Variants in ROBO2 observed in about 807,000 individuals in gnomAD.
ROBO2 encodes the protein roundabout guidance receptor 2, also known as roundabout homolog 2.
In ROBO2, 53 loss-of-function variants were observed where a neutral mutation model predicts 160.8. That is an observed-to-expected ratio of 0.33 (90% CI 0.26 to 0.41). ROBO2 has a LOEUF of 0.41. ROBO2 is among the 10% of genes least tolerant of loss of function. The pLI, the probability that ROBO2 is intolerant of heterozygous loss-of-function variation, is 1.00. For missense variants in ROBO2, 1,577 were observed against 1,722.4 expected (o/e 0.92, Z 1.49); for synonymous variants, 664 against 611.7 (o/e 1.09, Z -1.26).
At chr3:77,047,163 A>G (rs1028901384) in intron 1 of ROBO2, among the ~76,000 whole-genome samples, 1 of 152,166 alleles carries the variant, frequency 6.6e-6, no homozygotes, top group East Asian at 1.9e-4. Flanking sequence ...GAAGATGACA[A>G]AGGGGTGCTA....
At chr3:76,043,753 T>G (rs773147986) in intron 2 of ROBO2, among the ~76,000 whole-genome samples, 1 of 152,032 alleles carries the variant, frequency 6.6e-6, no homozygotes, top group African/African-American at 2.4e-5. Flanking sequence ...CTTATCTACT[T>G]AATCCACAAT....
chr3:77,403,573 AGTGTGT>A (rs57545425), intron 2 of ROBO2, among the ~76,000 whole-genome samples: 23,754 of 129,376 alleles, frequency 0.18, 2,277 homozygotes, highest in African/African-American at 0.28. Context: ...TAGTTATTTC[AGTGTGT>A]GTGTGTGTGT....
At chr3:77,200,310 TATATATATATATTTTAG>T (rs2082765547) in intron 2 of ROBO2, among the ~76,000 whole-genome samples, 1 of 89,354 alleles carries the variant, frequency 1.1e-5, no homozygotes, top group African/African-American at 5.1e-5. Flanking sequence ...TATATATATA[TATATATATATATTTTAG>T]TTTCTATAGG....
At chr3:77,512,946 A>G (rs2153617625) in intron 5 of ROBO2, among the ~76,000 whole-genome samples, 1 of 152,052 alleles carries the variant, frequency 6.6e-6, no homozygotes, top group East Asian at 1.9e-4. Context: ...CTAATTCAAA[A>G]CACTTGTTCT....
At chr3:77,624,846 TCCCTGAAA>T (rs1231056604) in intron 23 of ROBO2, among the ~76,000 whole-genome samples, 2 of 152,242 alleles carry the variant, frequency 1.3e-5, no homozygotes, top group African/African-American at 4.8e-5. Flanking sequence ...GGTTACACAG[TCCCTGAAA>T]CCCTGAAACC....
intron 2 of ROBO2, among the ~76,000 whole-genome samples, chr3:77,184,365 A>C (rs2150879708): frequency 6.6e-6 from 1 of 152,196 alleles, no homozygotes; most frequent in Middle Eastern, 3.4e-3. Context: ...ATGAATTAGA[A>C]GTGGACTTTG....
chr3:77,464,522 A>G (rs2082567821), intron 2 of ROBO2, among the ~76,000 whole-genome samples: 1 of 152,196 alleles, frequency 6.6e-6, no homozygotes, highest in Admixed American at 6.5e-5. Context: ...ACAATTTTAG[A>G]GGCTAGACTA....
intron 2 of ROBO2, among the ~76,000 whole-genome samples, chr3:76,834,153 T>TTCTC (rs1319855161): frequency 9.8e-5 from 13 of 132,812 alleles, no homozygotes; most frequent in African/African-American, 2.8e-4. Flanking sequence ...CTTCCTTTCT[T>TTCTC]TCTCTCTCTT....
At chr3:77,221,152 C>G (rs556773356) in intron 2 of ROBO2, among the ~76,000 whole-genome samples, 1 of 152,112 alleles carries the variant, frequency 6.6e-6, no homozygotes, top group Non-Finnish European at 1.5e-5. Flanking sequence ...TTCCATGGCT[C>G]TAGTGGTTCA....
intron 2 of ROBO2, among the ~76,000 whole-genome samples, chr3:76,569,711 G>T (rs1263287035): frequency 1.3e-5 from 2 of 152,098 alleles, no homozygotes; most frequent in African/African-American, 4.8e-5. Context: ...AACCATCCTT[G>T]AGAATCCAGC....
chr3:76,559,454 C>T (rs909227070), intron 2 of ROBO2, among the ~76,000 whole-genome samples: 2 of 152,078 alleles, frequency 1.3e-5, no homozygotes, highest in East Asian at 3.8e-4. Flanking sequence ...TTTGAAAATT[C>T]GTTTTAACCA....
At chr3:76,640,582 CGTGTTTGCGTGTGAGTGTGT>C (rs2090614711) in intron 2 of ROBO2, among the ~76,000 whole-genome samples, 2 of 37,642 alleles carry the variant, frequency 5.3e-5, no homozygotes, top group Non-Finnish European at 1.2e-4. Context: ...AATATCAATG[CGTGTTTGCGTGTGAGTGTGT>C]GTGTGTGTGT....
chr3:75,987,662 A>G (rs2107489714), intron 2 of ROBO2, among the ~76,000 whole-genome samples: 1 of 152,136 alleles, frequency 6.6e-6, no homozygotes, highest in East Asian at 1.9e-4. Context: ...GTCTTTTAAC[A>G]GTGAGTGTGA....
At chr3:77,261,978 A>C (rs1350363309) in intron 2 of ROBO2, among the ~76,000 whole-genome samples, 1 of 152,018 alleles carries the variant, frequency 6.6e-6, no homozygotes, top group African/African-American at 2.4e-5. Flanking sequence ...GGCTTTCAGC[A>C]CTCTGAAGTA....
At chr3:75,971,028 A>G (rs1454862623) in intron 2 of ROBO2, among the ~76,000 whole-genome samples, 3 of 151,358 alleles carry the variant, frequency 2.0e-5, no homozygotes, top group Admixed American at 6.6e-5. Context: ...TTAATGGAGA[A>G]TATTTAAAAG....
Position 76,179,558 on chromosome 3 carries a change from C to T in ROBO2, c.109+241956C>T, listed in dbSNP as rs2220912. Among the ~76,000 whole-genome samples, 231 of 152,248 alleles carry T rather than the reference C, an allele frequency of 1.5e-3. 2 individuals are homozygous for T. The highest frequency in any genetic ancestry group is 5.4e-3 in the African/African-American group (224 of 41,554). On this transcript the variant is annotated intron_variant, in intron 2 of 26. Coordinates refer to the ROBO2 transcript ENST00000487694. ...TACTTCCTTCAATCATCACTGCCTC[C>T]GCTCTTATACATCACCATCTTCTGT... is the stretch of plus-strand genomic sequence containing the variant.
intron 15 of ROBO2, among the ~76,000 whole-genome samples, chr3:77,578,377 A>T (rs1194332792): frequency 1.3e-5 from 2 of 152,074 alleles, no homozygotes; most frequent in Admixed American, 1.3e-4. Flanking sequence ...TCATCTATTG[A>T]TATCATTTAT....
intron 2 of ROBO2, among the ~76,000 whole-genome samples, chr3:76,191,748 C>T (rs1702015798): frequency 6.6e-6 from 1 of 151,974 alleles, no homozygotes; most frequent in African/African-American, 2.4e-5. Context: ...AGAAGGCATA[C>T]ATAACATTCC....
intron 1 of ROBO2, among the ~76,000 whole-genome samples, chr3:75,923,922 G>A (rs1410833229): frequency 6.6e-6 from 1 of 152,076 alleles, no homozygotes; most frequent in Non-Finnish European, 1.5e-5. Context: ...CCTTTATAAA[G>A]TAATATTTTA....
Sources: allele counts gnomAD v4.1 joint callset (sites outside exome capture counted in the v4.1 genomes callset), GRCh38; gene constraint gnomAD v4.1.1; transcripts MANE v1.5; gene names NCBI Gene and HGNC (gene_info 2026-07-23, HGNC 2026-07-21).